The following ITPR3 variants were observed in gnomAD, a reference collection of about 807,000 sequenced individuals.
The protein encoded by ITPR3 is inositol 1,4,5-trisphosphate-gated calcium channel ITPR3.
ITPR3 carries 173 observed loss-of-function variants against 293.2 expected under a neutral mutation model. The observed-to-expected ratio is 0.59, with a 90% confidence interval of 0.52 to 0.67. The LOEUF (loss-of-function observed/expected upper bound fraction) is 0.67. ITPR3 is among the 30% of genes least tolerant of loss of function. The pLI, the probability that ITPR3 is intolerant of heterozygous loss-of-function variation, is 0.00. For synonymous variants in ITPR3, 1,295 were observed against 1,444.4 expected (o/e 0.90, Z 2.35); for missense variants, 2,796 against 3,592.1 (o/e 0.78, Z 5.66).
At chr6:33,689,922 A>C (rs1332204368) in intron 50 of ITPR3, 112 bp from the exon 51 acceptor site, 1 of 1,308,756 alleles carries the variant, frequency 7.6e-7, no homozygotes, top group East Asian at 2.4e-5. Flanking sequence ...TTCTGGAAGC[A>C]ATTTCATTAA....
chr6:33,644,006 A>G (rs1764010387), intron 2 of ITPR3, among the ~76,000 whole-genome samples: 1 of 152,236 alleles, frequency 6.6e-6, no homozygotes. Context: ...CCTAGCCAAC[A>G]TGGTGAAACC....
At position 33,669,100 on chromosome 6, in the gene ITPR3, G is replaced by A; in HGVS notation, c.2133G>A (p.Leu711=). ...ATCATGAGAAGAGTGTGAGGCAGCT[G>A]GCCCAGGAGGCGCGGGCCGGCAACG... ...NEHHEKSVRQ[L]AQEARAGNAH... Residue 711 remains leucine (L), a synonymous_variant, in exon 18 of 58, where the codon CTG becomes CTA. Coordinates refer to ENST00000605930, the MANE Select transcript of ITPR3 (RefSeq NM_002224.4). The A allele has an allele frequency of 6.2e-7, 1 of 1,614,172 alleles. No homozygotes were observed. Among genetic ancestry groups the A allele is most frequent in the South Asian group, 1.1e-5 (1 of 91,084 alleles).
Position 33,678,837 on chromosome 6 carries a change from G to A in ITPR3, c.3970G>A (p.Glu1324Lys). Residue 1324 changes from glutamate (E) to lysine (K), a missense_variant and splice_region_variant, in exon 30 of 58, where the codon GAG becomes AAG. Around this residue, in one of 8 missense-constraint regions of ITPR3, gnomAD observed 344 missense variants for 460.3 expected, o/e 0.75. Transcript: ENST00000605930. ...GAAGTGCCAGGACATGATCATGACT[G>A]AGGTGAGGGCGGGGCTGAGGGGTGC... ...VKKCQDMIMTELTNAGDDVVV... is the reference protein window; with the variant it reads ...VKKCQDMIMTKLTNAGDDVVV... 6.2e-7 allele frequency: 1 copy of A among 1,612,456 alleles called. No individual in the cohort carries two copies. The highest frequency in any genetic ancestry group is 2.2e-5 in the East Asian group (1 of 44,862).
rs1763723068 is a variant in ITPR3, at chr6:33,633,156, G to A, written c.90-7328G>A. On this transcript the variant is annotated intron_variant, in intron 1 of 57. Coordinates refer to ENST00000605930, the MANE Select transcript of ITPR3 (RefSeq NM_002224.4). The surrounding 1 kb of genome is among the most constrained non-coding windows in gnomAD (Gnocchi z 5.2). ...AGGGGCGATGCCGGTGGTGGGCGTA[G>A]CGGGGCGTGGGCAGGGAACCACACG... is the stretch of plus-strand genomic sequence containing the variant. Among the ~76,000 whole-genome samples the A allele has an allele frequency of 6.6e-6, 1 of 152,226 alleles. No individual in the cohort carries two copies. The highest frequency in any genetic ancestry group is 1.9e-4 in the East Asian group (1 of 5,200).
intron 3 of ITPR3, among the ~76,000 whole-genome samples, chr6:33,657,197 C>G (rs138286817): frequency 6.3e-4 from 96 of 152,364 alleles, no homozygotes; most frequent in African/African-American, 2.0e-3. Context: ...GACCACTGCT[C>G]TCAGAGAGTG....
Position 33,686,164 on chromosome 6 carries a change from C to T in ITPR3, c.5779C>T (p.Leu1927Phe), listed in dbSNP as rs1765223961. ...STTGGLGLLG[L>F]YINEDNVGLV... ...CACGGGCGGCCTGGGGCTGCTGGGG[C>T]TCTACATCAATGAGGACAACGTGGG... The change falls in exon 42 of 58, where the codon CTC becomes TTC. Residue 1927 changes from leucine to phenylalanine, a missense_variant. Physicochemically the swap from Leu to Phe is conservative, Grantham distance 22. This residue lies in a region of ITPR3 where 704 missense variants were observed against 797.5 expected (regional missense o/e 0.88). Coordinates refer to ENST00000605930, the MANE Select transcript of ITPR3 (RefSeq NM_002224.4). The T allele has an allele frequency of 6.2e-7, 1 of 1,614,048 alleles. No homozygotes were observed. Among genetic ancestry groups the T allele is most frequent in the South Asian group, 1.1e-5 (1 of 91,088 alleles).
chr6:33,650,293 AC>A (rs767578814), intron 2 of ITPR3, among the ~76,000 whole-genome samples: 7 of 152,212 alleles, frequency 4.6e-5, no homozygotes, highest in Non-Finnish European at 8.8e-5. Flanking sequence ...CCCCGAGTCT[AC>A]CCACTTGTTT....
rs1336951516 is a variant in ITPR3, at chr6:33,638,724, C to T, written c.90-1760C>T. Among the ~76,000 whole-genome samples the T allele has an allele frequency of 6.6e-6, 1 of 152,190 alleles. No homozygotes were observed. The highest frequency in any genetic ancestry group is 1.9e-4 in the East Asian group (1 of 5,202). On this transcript the variant is annotated intron_variant, in intron 1 of 57. Coordinates refer to ENST00000605930, the MANE Select transcript of ITPR3 (RefSeq NM_002224.4). The surrounding 1 kb of genome is among the most constrained non-coding windows in gnomAD (Gnocchi z 4.3). ...GCATTGTGCAAGGTGTTAATCATTA[C>T]AAAGAAAACACACAGGGGCTCCGTT...
At chr6:33,695,330 T>C (rs1765513786) in intron 57 of ITPR3, 1 of 570,956 alleles carries the variant, frequency 1.8e-6, no homozygotes, top group Non-Finnish European at 3.1e-6. Context: ...GGGCCCTCTG[T>C]CTCTCATCCC....
Position 33,679,879 on chromosome 6 carries a change from C to T in ITPR3, c.3973-3C>T. On this transcript the variant is annotated splice_polypyrimidine_tract_variant and splice_region_variant and intron_variant, in intron 30 of 57. Coordinates refer to ENST00000605930, the MANE Select transcript of ITPR3 (RefSeq NM_002224.4). The surrounding 1 kb of genome is among the most constrained non-coding windows in gnomAD (Gnocchi z 4.2). Reference sequence around the variant, plus strand: ...TGTGACACGTGCCCCCTCCCACCCGCAGCTGACCAATGCAGGTGACGATGT... The same window carrying T: ...TGTGACACGTGCCCCCTCCCACCCGTAGCTGACCAATGCAGGTGACGATGT... 1.2e-6 allele frequency: 2 copies of T among 1,610,490 alleles called. No homozygotes were observed. Among genetic ancestry groups the T allele is most frequent in the Non-Finnish European group, 1.7e-6 (2 of 1,177,418 alleles).
intron 57 of ITPR3, chr6:33,695,479 G>C: frequency 5.2e-6 from 3 of 581,646 alleles, no homozygotes; most frequent in Non-Finnish European, 9.2e-6. Context: ...CTCTGTTAGT[G>C]GGCTGGTTTC....
chr6:33,686,949 AGTT>A, intron 43 of ITPR3, 57 bp from the exon 44 acceptor site: 1 of 1,321,000 alleles, frequency 7.6e-7, no homozygotes, highest in Admixed American at 1.7e-5. Context: ...ATGAGGGAGA[AGTT>A]GTCAGGGGCA....
At chr6:33,686,652 G>A (rs1210930549) in intron 43 of ITPR3, 133 bp downstream of exon 43, 1 of 724,846 alleles carries the variant, frequency 1.4e-6, no homozygotes, top group African/African-American at 1.7e-5. Context: ...GGCATCATCT[G>A]GATGCACAAG....
Position 33,685,781 on chromosome 6 carries a change from T to C in ITPR3, c.5621T>C (p.Leu1874Pro). The C allele has an allele frequency of 6.3e-7, 1 of 1,592,240 alleles. No individual in the cohort carries two copies. Among genetic ancestry groups the C allele is most frequent in the Non-Finnish European group, 8.6e-7 (1 of 1,166,398 alleles). Residue 1874 changes from leucine (L) to proline (P), a missense_variant, in exon 41 of 58, where the codon CTG (leucine) becomes CCG (proline). This residue lies in a region of ITPR3 where 704 missense variants were observed against 797.5 expected (regional missense o/e 0.88). Coordinates refer to ENST00000605930, the MANE Select transcript of ITPR3 (RefSeq NM_002224.4). ...GTSVLIMQPI[L>P]RFLQLLCENH... is the part of the protein sequence containing the mutation. ...TCCGTGCTCATCATGCAGCCCATCC[T>C]GCGCTTTCTGCAGCTGCTGTGTGAG...
At chr6:33,636,828 A>G (rs1763834173) in intron 1 of ITPR3, among the ~76,000 whole-genome samples, 1 of 152,102 alleles carries the variant, frequency 6.6e-6, no homozygotes. Flanking sequence ...AAGATGCCCA[A>G]CGACGTGAGT....
At chr6:33,695,532 A>T (rs1765519590) in intron 57 of ITPR3, 180 bp from the exon 58 acceptor site, 1 of 635,658 alleles carries the variant, frequency 1.6e-6, no homozygotes, top group African/African-American at 1.8e-5. Context: ...CTAATTGAGA[A>T]CAAGGGTTTG....
intron 1 of ITPR3, among the ~76,000 whole-genome samples, chr6:33,625,292 C>T (rs553065544): frequency 1.3e-4 from 19 of 151,732 alleles, no homozygotes; most frequent in Non-Finnish European, 2.2e-4. Flanking sequence ...TACAATGGGG[C>T]GATCTTAGTT....
chr6:33,651,224 C>T (rs555956566), intron 2 of ITPR3, among the ~76,000 whole-genome samples: 102 of 149,768 alleles, frequency 6.8e-4, no homozygotes, highest in Non-Finnish European at 1.3e-3. Context: ...TTGCAGTGAG[C>T]CGAGATCGCG....
At position 33,691,982 on chromosome 6, in the gene ITPR3, C is replaced by T; in HGVS notation, c.7458+54C>T. Reference sequence around the variant, plus strand: ...GTGGGGCCCAAGCCACTGTCCAGATCAGCAACTGTGGAGAGTCCTGTCCTT... The same window carrying T: ...GTGGGGCCCAAGCCACTGTCCAGATTAGCAACTGTGGAGAGTCCTGTCCTT... On this transcript the variant is annotated intron_variant, in intron 54 of 57. Transcript: ENST00000605930. This position sits in a 1 kb window ranked among gnomAD's most constrained non-coding sequence, Gnocchi z 4.9. The T allele has an allele frequency of 6.2e-7, 1 of 1,609,658 alleles. No individual in the cohort carries two copies. The highest frequency in any genetic ancestry group is 1.1e-5 in the South Asian group (1 of 91,016).
Sources: allele counts gnomAD v4.1 joint callset (sites outside exome capture counted in the v4.1 genomes callset), GRCh38; gene constraint gnomAD v4.1.1; regional missense constraint gnomAD v4.1.1; non-coding constraint Gnocchi (gnomAD v3.1); transcripts MANE v1.5; gene names NCBI Gene and HGNC (gene_info 2026-07-23, HGNC 2026-07-21).